KAZN: variants seen among roughly 807,000 people sequenced by gnomAD.
KAZN encodes kazrin, periplakin interacting protein, also known as kazrin.
In KAZN, 40 loss-of-function variants were observed where a neutral mutation model predicts 87.4. The ratio of observed to expected loss-of-function variants is 0.46; its 90% CI spans 0.36 to 0.60. The LOEUF is 0.60. Among genes scored for constraint, KAZN ranks in the 20% least tolerant of loss-of-function variants. The probability of loss-of-function intolerance (pLI) is 0.00; values close to 1 mark genes in which losing one functional copy is unlikely to be tolerated. For synonymous variants in KAZN, 466 were observed against 458.3 expected (o/e 1.02, Z -0.22); for missense variants, 898 against 1,073.9 (o/e 0.84, Z 2.29).
chr1:14,283,474 T>C (rs1653004378), intron 2 of KAZN, among the ~76,000 whole-genome samples: 1 of 152,064 alleles, frequency 6.6e-6, no homozygotes, highest in Non-Finnish European at 1.5e-5. Context: ...AAAGAGCCAA[T>C]AAATGTATGA....
At chr1:14,050,424 C>G (rs533430566) in intron 1 of KAZN, among the ~76,000 whole-genome samples, 2 of 152,116 alleles carry the variant, frequency 1.3e-5, no homozygotes, top group African/African-American at 4.8e-5. Context: ...CTCACAGTTC[C>G]GCATGGCTGG....
chr1:14,940,574 C>A (rs188214076), intron 1 of KAZN, among the ~76,000 whole-genome samples: 1 of 152,340 alleles, frequency 6.6e-6, no homozygotes, highest in East Asian at 1.9e-4. Context: ...TTGATCCTCC[C>A]AGCTTAACCA....
chr1:14,549,826 A>T (rs572734160), intron 2 of KAZN, among the ~76,000 whole-genome samples: 69 of 152,160 alleles, frequency 4.5e-4, no homozygotes, highest in African/African-American at 1.6e-3. Flanking sequence ...GGATGCTATG[A>T]TTGCCAACTT....
chr1:14,945,597 G>A (rs1661672520), intron 1 of KAZN, among the ~76,000 whole-genome samples: 1 of 152,196 alleles, frequency 6.6e-6, no homozygotes, highest in Non-Finnish European at 1.5e-5. Context: ...GGTGGGGAGA[G>A]CCTCAAACAC....
intron 1 of KAZN, among the ~76,000 whole-genome samples, chr1:13,946,023 T>C (rs572526575): frequency 1.0e-3 from 155 of 152,302 alleles, no homozygotes; most frequent in Non-Finnish European, 1.3e-3. Context: ...GGTTAGACAA[T>C]CTGGGCTTCC....
chr1:13,994,109 T>A (rs954123561), intron 1 of KAZN, among the ~76,000 whole-genome samples: 1 of 152,200 alleles, frequency 6.6e-6, no homozygotes, highest in African/African-American at 2.4e-5. Context: ...GCCAGGGAAC[T>A]CCATGACAGG....
chr1:14,150,055 G>A (rs1301481468), intron 1 of KAZN, among the ~76,000 whole-genome samples: 3 of 152,192 alleles, frequency 2.0e-5, no homozygotes, highest in African/African-American at 7.2e-5. Flanking sequence ...GTTTCTCAGA[G>A]CACTTTCACA....
chr1:14,720,531 T>A (rs1643039407), intron 1 of KAZN, among the ~76,000 whole-genome samples: 1 of 152,226 alleles, frequency 6.6e-6, no homozygotes, highest in African/African-American at 2.4e-5. Context: ...TTACTTCTGC[T>A]AGCTCGCTCT....
intron 2 of KAZN, among the ~76,000 whole-genome samples, chr1:15,019,326 C>T (rs912342298): frequency 1.3e-5 from 2 of 152,234 alleles, no homozygotes; most frequent in Non-Finnish European, 2.9e-5. Flanking sequence ...CAGCCTGAAC[C>T]TGGCTCTGCC....
chr1:14,116,082 T>C (rs1196277174), intron 1 of KAZN, among the ~76,000 whole-genome samples: 1 of 149,680 alleles, frequency 6.7e-6, no homozygotes, highest in Non-Finnish European at 1.5e-5. Context: ...AAGCGGAGCA[T>C]AAAAGTTCAA....
chr1:15,059,063 G>A (rs913765867), intron 5 of KAZN, among the ~76,000 whole-genome samples: 16 of 150,404 alleles, frequency 1.1e-4, no homozygotes, highest in African/African-American at 3.4e-4. Context: ...ATGACAGATT[G>A]TAATTAGCAC....
At chr1:14,130,923 C>T (rs2101733407) in intron 1 of KAZN, among the ~76,000 whole-genome samples, 1 of 152,090 alleles carries the variant, frequency 6.6e-6, no homozygotes, top group African/African-American at 2.4e-5. Flanking sequence ...TAATACTATG[C>T]AAGCAGTGTG....
intron 1 of KAZN, among the ~76,000 whole-genome samples, chr1:14,872,938 A>ATAGATGGATGGATG (rs1652311834): frequency 6.8e-6 from 1 of 146,122 alleles, no homozygotes; most frequent in African/African-American, 2.6e-5. Flanking sequence ...ATGGATGGAT[A>ATAGATGGATGGATG]GATGGATGGA....
intron 1 of KAZN, among the ~76,000 whole-genome samples, chr1:13,983,535 C>T (rs957241768): frequency 1.3e-5 from 2 of 152,186 alleles, no homozygotes; most frequent in African/African-American, 2.4e-5. Context: ...GGTTCCTGCT[C>T]GGGCCTCTCC....
chr1:13,996,247 C>A (rs1639512627), intron 1 of KAZN, among the ~76,000 whole-genome samples: 1 of 152,148 alleles, frequency 6.6e-6, no homozygotes, highest in Non-Finnish European at 1.5e-5. Flanking sequence ...GCCACTGGGG[C>A]CTAGAGTCCC....
At chr1:14,200,983 A>G (rs1646627548) in intron 2 of KAZN, among the ~76,000 whole-genome samples, 1 of 152,134 alleles carries the variant, frequency 6.6e-6, no homozygotes. Flanking sequence ...AAGCGTTCCC[A>G]ACACACCTGT....
chr1:14,520,011 G>C (rs905207122), intron 2 of KAZN, among the ~76,000 whole-genome samples: 1 of 152,118 alleles, frequency 6.6e-6, no homozygotes, highest in Admixed American at 6.6e-5. Flanking sequence ...TGCACAGATC[G>C]TGCCATAGGT....
At chr1:14,741,786 A>G (rs183211674) in intron 1 of KAZN, among the ~76,000 whole-genome samples, 3 of 152,290 alleles carry the variant, frequency 2.0e-5, no homozygotes, top group Admixed American at 2.0e-4. Flanking sequence ...AAGGCATATT[A>G]AACAATAGCA....
At chr1:14,315,092 T>C (rs1655564828) in intron 2 of KAZN, among the ~76,000 whole-genome samples, 1 of 152,160 alleles carries the variant, frequency 6.6e-6, no homozygotes, top group South Asian at 2.1e-4. Context: ...TGTTTTTCTT[T>C]TTCACTTTTT....
Sources: gnomAD v4.1 joint callset for allele counts (sites outside exome capture counted in the v4.1 genomes callset) on GRCh38, gnomAD v4.1.1 for gene constraint, MANE v1.5 for transcripts, NCBI Gene and HGNC (gene_info 2026-07-23, HGNC 2026-07-21) for gene names.